The following SBNO2 variants were observed in gnomAD, a reference collection of about 807,000 sequenced individuals.
SBNO2 encodes the protein protein strawberry notch homolog 2.
In SBNO2, 89 loss-of-function variants were observed where a neutral mutation model predicts 146.3. The ratio of observed to expected loss-of-function variants is 0.61; its 90% CI spans 0.51 to 0.73. The LOEUF (loss-of-function observed/expected upper bound fraction) is 0.73, where lower values mean the gene tolerates loss of function less well. Ranked by LOEUF, SBNO2 falls within the 30% of genes least tolerant of loss-of-function variation. The pLI, the probability that SBNO2 is intolerant of heterozygous loss-of-function variation, is 0.00. For missense variants in SBNO2, 2,092 were observed against 2,003.7 expected (o/e 1.04, Z -0.84); for synonymous variants, 1,147 against 892.6 (o/e 1.29, Z -5.08).
chr19:1,160,999 G>A (rs1250226126), intron 1 of SBNO2, among the ~76,000 whole-genome samples: 1 of 147,244 alleles, frequency 6.8e-6, no homozygotes, highest in Non-Finnish European at 1.5e-5. Flanking sequence ...GGGTCCTGAG[G>A]TGCTTCCCAG....
chr19:1,143,162 G>A (rs186524259), intron 4 of SBNO2, among the ~76,000 whole-genome samples: 64 of 152,224 alleles, frequency 4.2e-4, no homozygotes, highest in Non-Finnish European at 6.8e-4. Context: ...CCTCGCTCCC[G>A]TGAAAAGCTA....
chr19:1,138,434 G>A (rs2080104902), intron 4 of SBNO2, among the ~76,000 whole-genome samples: 1 of 151,934 alleles, frequency 6.6e-6, no homozygotes, highest in South Asian at 2.1e-4. Flanking sequence ...ACCCAGTCAT[G>A]CCTGGAACAC....
At position 1,122,562 on chromosome 19, in the gene SBNO2, C is replaced by T. The variant is rs773806823; in HGVS notation, c.915-4G>A. 59 of 1,534,432 alleles carry T rather than the reference C, an allele frequency of 3.8e-5. No individual in the cohort carries two copies. Among genetic ancestry groups the T allele is most frequent in the Middle Eastern group, 1.8e-4 (1 of 5,698 alleles). The stretch of plus-strand genomic sequence containing the variant: ...GAGGTCGTTGGAGACGCTGAACCTG[C>T]GGGGTGGGGGCGTCAGGCGCGCCCA... On this transcript the variant is annotated splice_region_variant and splice_polypyrimidine_tract_variant and intron_variant, in intron 9 of 31. Transcript: ENST00000361757.
Position 1,127,759 on chromosome 19 carries a change from A to G in SBNO2, c.286T>C (p.Ser96Pro). ...ATGTTGGAGAAGTCCTCAAAATAGG[A>G]GGAGTCCTGGAAGACAAGGCCAGGC... ...PKTCDFAQDS[S>P]YFEDFSNISI... Residue 96 changes from serine (S) to proline (P), a missense_variant, in exon 5 of 32, where the codon TCC becomes CCC. Physicochemically the swap from Ser to Pro is moderately conservative, Grantham distance 74. Coordinates refer to ENST00000361757, the MANE Select transcript of SBNO2 (RefSeq NM_014963.3). 1 of 1,613,206 alleles carries G rather than the reference A, an allele frequency of 6.2e-7. No homozygotes were observed. Among genetic ancestry groups the G allele is most frequent in the Non-Finnish European group, 8.5e-7 (1 of 1,179,574 alleles).
chr19:1,110,332 C>G lies in SBNO2; in HGVS notation c.3028+413G>C, dbSNP rs773851878. Among the ~76,000 whole-genome samples, 60 of 152,142 alleles carry G rather than the reference C, an allele frequency of 3.9e-4. No individual in the cohort carries two copies. The highest frequency in any genetic ancestry group is 1.7e-3 in the Admixed American group (26 of 15,282). ...CGGCCTTTCGTTCACAACAATGTAGCAGGTGCCCCGTGAAGCCTGGGGATG... is the reference window on the plus strand; with the variant it reads ...CGGCCTTTCGTTCACAACAATGTAGGAGGTGCCCCGTGAAGCCTGGGGATG... On this transcript the variant is annotated intron_variant, in intron 26 of 31. Transcript: ENST00000361757. This position sits in a 1 kb window ranked among gnomAD's most constrained non-coding sequence, Gnocchi z 4.9.
At chr19:1,111,869 C>G in intron 23 of SBNO2, 127 bp downstream of exon 23, 1 of 989,700 alleles carries the variant, frequency 1.0e-6, no homozygotes, top group Non-Finnish European at 1.5e-6. Flanking sequence ...TAGACCCGGC[C>G]CTCCTCCAGA....
chr19:1,174,082 G>T (rs985930371), intron 1 of SBNO2, 90 bp downstream of exon 1: 1 of 149,810 alleles, frequency 6.7e-6, no homozygotes, highest in Non-Finnish European at 1.5e-5. Flanking sequence ...CGGGCGCAGG[G>T]GTCCGCGGGG....
chr19:1,171,773 T>C (rs1439014473), intron 1 of SBNO2, among the ~76,000 whole-genome samples: 2 of 149,146 alleles, frequency 1.3e-5, no homozygotes, highest in Admixed American at 6.6e-5. Context: ...GGGTGGGGGG[T>C]CTAGGGGTGG....
At chr19:1,174,014 G>A (rs1375857476) in intron 1 of SBNO2, among the ~76,000 whole-genome samples, 158 bp downstream of exon 1, 1 of 148,404 alleles carries the variant, frequency 6.7e-6, no homozygotes, top group Non-Finnish European at 1.5e-5. Context: ...GGTCGCGGCG[G>A]AGGGCGGGGG....
intron 23 of SBNO2, 111 bp downstream of exon 23, chr19:1,111,885 G>T: frequency 1.8e-6 from 2 of 1,088,008 alleles, no homozygotes; most frequent in Non-Finnish European, 2.6e-6. Context: ...CCAGACCACT[G>T]AGCCCCACGT....
chr19:1,125,196 CA>C (rs397859410), intron 5 of SBNO2, among the ~76,000 whole-genome samples: 244 of 133,442 alleles, frequency 1.8e-3, no homozygotes, highest in Admixed American at 1.7e-3. Context: ...ACTAAAGATA[CA>C]AAAAAAAAAA....
At chr19:1,146,753 G>A (rs987987715) in intron 4 of SBNO2, among the ~76,000 whole-genome samples, 1 of 143,408 alleles carries the variant, frequency 7.0e-6, no homozygotes, top group Non-Finnish European at 1.5e-5. Flanking sequence ...TGCCGCAGTG[G>A]GAGGCTGTGA....
chr19:1,127,040 C>T (rs2079973537), intron 5 of SBNO2, among the ~76,000 whole-genome samples: 1 of 152,186 alleles, frequency 6.6e-6, no homozygotes, highest in Non-Finnish European at 1.5e-5. Context: ...AGCTCCCCAC[C>T]CTGGGACAGG....
rs1385627437 is a variant in SBNO2 at position 1,108,180 on chromosome 19, C to T, written c.*40G>A. 7 of 1,500,250 alleles carry T rather than the reference C, an allele frequency of 4.7e-6. No individual in the cohort carries two copies. The highest frequency in any genetic ancestry group is 2.1e-5 in the Admixed American group (1 of 47,626). 92.9% of individuals were successfully genotyped at this position (1,500,250 alleles called of 1,614,324 possible). A position where few individuals can be genotyped will look rare whatever the true frequency, so the allele number is the denominator to read the frequency against. On this transcript the variant is annotated 3_prime_UTR_variant, in exon 32 of 32. Transcript: ENST00000361757. ...CCCACCGCTGCTCCTAGGGGAGAAA[C>T]GGTCCCTGTGTCTTGGGGCATGTTT...
At chr19:1,113,433 G>C in intron 19 of SBNO2, 102 bp downstream of exon 19, 2 of 1,060,728 alleles carry the variant, frequency 1.9e-6, no homozygotes, top group Non-Finnish European at 2.6e-6. Flanking sequence ...CGGAGACGCA[G>C]AGTGACCAGC....
At chr19:1,124,127 C>A in intron 5 of SBNO2, 105 bp from the exon 6 acceptor site, 1 of 1,042,832 alleles carries the variant, frequency 9.6e-7, no homozygotes, top group South Asian at 1.4e-5. Context: ...GCCCCGTCCT[C>A]GCCTCCCCAT....
intron 4 of SBNO2, among the ~76,000 whole-genome samples, chr19:1,128,861 G>A (rs868198402): frequency 6.6e-6 from 1 of 151,832 alleles, no homozygotes; most frequent in Admixed American, 6.5e-5. Context: ...CCAGCTACTC[G>A]GGGGGCTGAG....
At position 1,123,953 on chromosome 19, in the gene SBNO2, C is replaced by G; in HGVS notation, c.511G>C (p.Val171Leu). ...TGGGCCCAGCTCACCTGGTAGCTGA[C>G]GAGAAGCGGGGTGCTGTGGGAGGGC... The part of the protein sequence containing the change: ...FLPSHSTPLL[V>L]SYQEQSVQSQ... Residue 171 changes from valine to leucine, a missense_variant, in exon 6 of 32, where the codon GTC (valine) becomes CTC (leucine). Coordinates refer to ENST00000361757, the MANE Select transcript of SBNO2 (RefSeq NM_014963.3). 6.2e-7 allele frequency: 1 copy of G among 1,611,522 alleles called. No individual in the cohort carries two copies. Among genetic ancestry groups the G allele is most frequent in the Non-Finnish European group, 8.5e-7 (1 of 1,179,228 alleles).
Position 1,108,310 on chromosome 19 carries a change from C to CGCGCCCTCCCCCA in SBNO2, c.3998_4010dup (p.Ala1339GlyfsTer37). 6.9e-7 allele frequency: 1 copy of CGCGCCCTCCCCCA among 1,457,862 alleles called. No individual in the cohort carries two copies. Among genetic ancestry groups the CGCGCCCTCCCCCA allele is most frequent in the Non-Finnish European group, 9.1e-7 (1 of 1,100,996 alleles). The allele number at this position is 1,457,862 out of a possible 1,614,324, so 90.3% of individuals were successfully genotyped here. A position where few individuals can be genotyped will look rare whatever the true frequency, so the allele number is the denominator to read the frequency against. ...CACCGCCCGCCGCGCCCCCCGCCCC[C>CGCGCCCTCCCCCA]GCGCCCTCCCCCAGCGCGCCCTCGG... On this transcript the variant is annotated frameshift_variant, in exon 32 of 32. Transcript: ENST00000361757. LOFTEE classifies it low-confidence loss of function (END_TRUNC).
Sources: gnomAD v4.1 joint callset for allele counts (sites outside exome capture counted in the v4.1 genomes callset) on GRCh38, gnomAD v4.1.1 for gene constraint, Gnocchi (gnomAD v3.1) non-coding constraint, MANE v1.5 for transcripts, NCBI Gene and HGNC (gene_info 2026-07-23, HGNC 2026-07-21) for gene names.